NEDD4L: variants seen among roughly 807,000 people sequenced by gnomAD.
NEDD4L encodes the protein NEDD4 like E3 ubiquitin protein ligase.
In NEDD4L, 54 loss-of-function variants were observed where a neutral mutation model predicts 148.9. The ratio of observed to expected loss-of-function variants is 0.36; its 90% confidence interval spans 0.29 to 0.45. NEDD4L has a LOEUF of 0.45. Ranked by LOEUF, NEDD4L falls within the 20% of genes least tolerant of loss-of-function variation. The pLI is 1.00. For synonymous variants in NEDD4L, 433 were observed against 440.7 expected (o/e 0.98, Z 0.22); for missense variants, 856 against 1,233.8 (o/e 0.69, Z 4.59).
intron 4 of NEDD4L, 114 bp from the exon 5 acceptor site, chr18:58,251,887 A>G: frequency 4.5e-6 from 3 of 667,342 alleles, no homozygotes; most frequent in Non-Finnish European, 8.1e-6. Flanking sequence ...AATTGTTCAT[A>G]TTATACAATT....
At chr18:58,360,009 T>G (rs777922794) in intron 19 of NEDD4L, 1 of 152,250 alleles carries the variant, frequency 6.6e-6, no homozygotes, top group Non-Finnish European at 1.5e-5. Context: ...CCCTCAGTGC[T>G]TTGGAGATTC....
chr18:58,063,543 G>T (rs1328538403), intron 1 of NEDD4L, among the ~76,000 whole-genome samples: 2 of 149,376 alleles, frequency 1.3e-5, no homozygotes, highest in Middle Eastern at 6.9e-3. Context: ...TTCTTGGGAA[G>T]AACAATTAGT....
At chr18:58,175,680 C>G (rs920878830) in intron 2 of NEDD4L, among the ~76,000 whole-genome samples, 1 of 152,242 alleles carries the variant, frequency 6.6e-6, no homozygotes. Context: ...CCCAGAGGAT[C>G]TAACTCTTAG....
chr18:58,263,707 G>A lies in NEDD4L; in HGVS notation c.297+11653G>A, dbSNP rs537093536. Among the ~76,000 whole-genome samples, 5 of 126,036 alleles carry A rather than the reference G, an allele frequency of 4.0e-5. 1 individual carries two copies. The South Asian group carries it at 1.4e-3, about 34-fold the overall frequency. 82.7% of individuals were successfully genotyped at this position (126,036 alleles called of 152,430 possible). A position where few individuals can be genotyped will look rare whatever the true frequency, so the allele number is the denominator to read the frequency against. ...TCTCTCATGTTCTTTTCAAATGCAT[G>A]GCTAGGTAGTTACCTCATGAAGGAA... On this transcript the variant is annotated intron_variant, in intron 5 of 30. Coordinates refer to ENST00000400345, the MANE Select transcript of NEDD4L (RefSeq NM_001144967.3).
chr18:58,219,709 C>T (rs778599538), intron 2 of NEDD4L, among the ~76,000 whole-genome samples: 1 of 152,180 alleles, frequency 6.6e-6, no homozygotes, highest in Non-Finnish European at 1.5e-5. Flanking sequence ...CTCATTTTAA[C>T]TTAATTACCT....
At chr18:58,226,786 C>T (rs1269293499) in intron 2 of NEDD4L, among the ~76,000 whole-genome samples, 1 of 152,110 alleles carries the variant, frequency 6.6e-6, no homozygotes, top group Non-Finnish European at 1.5e-5. Context: ...AGATGACATC[C>T]AGTTGTTTTT....
intron 24 of NEDD4L, among the ~76,000 whole-genome samples, chr18:58,382,206 A>C (rs2048435565): frequency 6.6e-6 from 1 of 152,192 alleles, no homozygotes; most frequent in Admixed American, 6.5e-5. Flanking sequence ...TGAGAGACCC[A>C]GGTGTGAGTG....
In NEDD4L at chr18:58,119,162, C is replaced by T. The variant is rs139670602; in HGVS notation, c.49-46626C>T. On this transcript the variant is annotated intron_variant, in intron 1 of 30. Transcript: ENST00000400345. ...AGGCTCTGCAGTCTGCCCTCTCCAA[C>T]CTTACCCCTCATGCCCCACCTTCCC... Among the ~76,000 whole-genome samples, 71 of 152,324 alleles carry T rather than the reference C, an allele frequency of 4.7e-4. 1 individual carries two copies. In the East Asian group the frequency reaches 0.013, roughly 27 times the overall value.
intron 6 of NEDD4L, among the ~76,000 whole-genome samples, chr18:58,316,707 A>T (rs2058308249): frequency 6.6e-6 from 1 of 152,158 alleles, no homozygotes; most frequent in African/African-American, 2.4e-5. Context: ...GGGCAGACAG[A>T]ATGTGTAGGT....
At chr18:58,145,160 C>T (rs2033970990) in intron 1 of NEDD4L, among the ~76,000 whole-genome samples, 1 of 152,182 alleles carries the variant, frequency 6.6e-6, no homozygotes, top group Admixed American at 6.5e-5. Flanking sequence ...CTGAGGCTCT[C>T]CTACCAGGGC....
chr18:58,122,953 G>A (rs918476183), intron 1 of NEDD4L, among the ~76,000 whole-genome samples: 4 of 152,006 alleles, frequency 2.6e-5, no homozygotes, highest in Admixed American at 6.6e-5. Context: ...GGCTAGTCTC[G>A]AACTCCTGAC....
intron 29 of NEDD4L, among the ~76,000 whole-genome samples, chr18:58,390,964 GA>G (rs760945653): frequency 3.3e-5 from 5 of 151,950 alleles, no homozygotes; most frequent in Non-Finnish European, 7.4e-5. Context: ...AGTTTGTGAA[GA>G]GGTCCATAAG....
intron 2 of NEDD4L, among the ~76,000 whole-genome samples, chr18:58,179,063 G>A (rs1277722048): frequency 6.6e-6 from 1 of 152,172 alleles, no homozygotes; most frequent in Non-Finnish European, 1.5e-5. Flanking sequence ...TGAATCACGT[G>A]CGAGTTCATT....
intron 21 of NEDD4L, 70 bp from the exon 22 acceptor site, chr18:58,367,676 T>G (rs1009783857): frequency 2.4e-5 from 37 of 1,563,642 alleles, no homozygotes; most frequent in Non-Finnish European, 2.8e-5. Flanking sequence ...GAGTGACAGG[T>G]GGCAAACAAA....
chr18:58,247,807 C>T (rs539261693), intron 3 of NEDD4L, among the ~76,000 whole-genome samples: 25 of 152,358 alleles, frequency 1.6e-4, no homozygotes, highest in African/African-American at 5.5e-4. Flanking sequence ...CAGGCCAGGC[C>T]TGCTGCTCCA....
intron 24 of NEDD4L, among the ~76,000 whole-genome samples, chr18:58,382,351 T>C (rs2048452077): frequency 1.3e-5 from 2 of 152,102 alleles, no homozygotes; most frequent in Non-Finnish European, 2.9e-5. Context: ...CCCTAACACT[T>C]ACTTTGGAAA....
At chr18:58,386,974 G>A (rs534451178) in intron 26 of NEDD4L, among the ~76,000 whole-genome samples, 3 of 152,250 alleles carry the variant, frequency 2.0e-5, no homozygotes, top group South Asian at 2.1e-4. Flanking sequence ...CCTAGATCAC[G>A]CCACAGTTAG....
intron 2 of NEDD4L, among the ~76,000 whole-genome samples, chr18:58,200,291 G>C (rs1022396017): frequency 7.2e-5 from 11 of 152,150 alleles, no homozygotes; most frequent in Non-Finnish European, 1.3e-4. Flanking sequence ...AGAATTTACA[G>C]GTTTAAAAAG....
At chr18:58,389,324 G>C (rs1397945053) in intron 28 of NEDD4L, 132 bp downstream of exon 28, 1 of 638,802 alleles carries the variant, frequency 1.6e-6, no homozygotes, top group Admixed American at 2.9e-5. Context: ...TGGACTGCTG[G>C]GGGAGGGAAG....
Sources: gnomAD v4.1 joint callset for allele counts (sites outside exome capture counted in the v4.1 genomes callset) on GRCh38, gnomAD v4.1.1 for gene constraint, MANE v1.5 for transcripts, NCBI Gene and HGNC (gene_info 2026-07-23, HGNC 2026-07-21) for gene names.